BANK1: variants seen among roughly 807,000 people sequenced by gnomAD.
BANK1 encodes the protein B cell scaffold protein with ankyrin repeats 1.
BANK1 carries 95 observed loss-of-function variants against 94.5 expected under a neutral mutation model. The observed-to-expected ratio is 1.00, with a 90% CI of 0.85 to 1.19. The LOEUF is 1.19. Among genes scored for constraint, BANK1 ranks in the 50% most tolerant of loss-of-function variants. The pLI is 0.00. For synonymous variants in BANK1, 334 were observed against 308.4 expected (o/e 1.08, Z -0.87); for missense variants, 987 against 932.2 (o/e 1.06, Z -0.77).
chr4:101,925,605 G>T (rs1004865855), intron 7 of BANK1, among the ~76,000 whole-genome samples: 2 of 151,610 alleles, frequency 1.3e-5, no homozygotes, highest in African/African-American at 4.8e-5. Context: ...TTCTAAATAG[G>T]TAATTTGTTA....
intron 7 of BANK1, among the ~76,000 whole-genome samples, chr4:102,010,498 C>G (rs1366933144): frequency 6.7e-6 from 1 of 149,142 alleles, no homozygotes; most frequent in East Asian, 2.0e-4. Context: ...GTTCCAGCAA[C>G]TCTCCTGCCT....
intron 1 of BANK1, among the ~76,000 whole-genome samples, chr4:101,792,472 T>G (rs866616020): frequency 0.054 from 7,237 of 134,858 alleles, 362 homozygotes; most frequent in East Asian, 0.26. Context: ...TGTGTGTGTT[T>G]TTTTTTTTTT....
chr4:101,840,154 G>C (rs1236160233), intron 2 of BANK1, among the ~76,000 whole-genome samples: 4 of 148,714 alleles, frequency 2.7e-5, no homozygotes, highest in Non-Finnish European at 5.9e-5. Context: ...ATTTTTAGTA[G>C]AGACGGGGTT....
intron 5 of BANK1, among the ~76,000 whole-genome samples, chr4:101,889,098 A>G (rs1289584936): frequency 6.6e-6 from 1 of 152,166 alleles, no homozygotes; most frequent in African/African-American, 2.4e-5. Context: ...GTACATTCAT[A>G]TATAGTTGTA....
chr4:101,896,295 A>G (rs1722077254), intron 6 of BANK1, among the ~76,000 whole-genome samples: 1 of 152,016 alleles, frequency 6.6e-6, no homozygotes, highest in Admixed American at 6.6e-5. Context: ...TGAATATGAC[A>G]GACATGAAGC....
chr4:101,891,752 T>A (rs1037247874), intron 5 of BANK1, among the ~76,000 whole-genome samples: 8 of 152,106 alleles, frequency 5.3e-5, no homozygotes, highest in Admixed American at 1.3e-4. Flanking sequence ...TTTCCTCTGT[T>A]CTCTTCATGT....
At chr4:101,922,783 G>A (rs1391636979) in intron 7 of BANK1, among the ~76,000 whole-genome samples, 1 of 151,782 alleles carries the variant, frequency 6.6e-6, no homozygotes, top group Non-Finnish European at 1.5e-5. Context: ...ACTAGAATAA[G>A]TCACATAATT....
At position 102,043,876 on chromosome 4, in the gene BANK1, T is replaced by C. The variant is rs771873588; in HGVS notation, c.1938T>C (p.Asp646=). 1.2e-6 allele frequency: 2 copies of C among 1,603,714 alleles called. No homozygotes were observed. Residue 646 remains aspartate (D), a synonymous_variant, in exon 11 of 17, where the codon GAT becomes GAC. Coordinates refer to ENST00000322953, the MANE Select transcript of BANK1 (RefSeq NM_017935.5). Reference sequence around the variant, plus strand: ...AGACAGCCAGAAGACAATCTGATGATGACAAGTTCTGTGGTCTTCCTAAGA... The same window carrying C: ...AGACAGCCAGAAGACAATCTGATGACGACAAGTTCTGTGGTCTTCCTAAGA... ...QQKTARRQSD[D]DKFCGLPKKQ...
At chr4:101,995,914 T>C (rs1326928834) in intron 7 of BANK1, among the ~76,000 whole-genome samples, 1 of 152,198 alleles carries the variant, frequency 6.6e-6, no homozygotes, top group African/African-American at 2.4e-5. Context: ...ACTCTGATGA[T>C]AGTTTTTTTG....
intron 1 of BANK1, among the ~76,000 whole-genome samples, chr4:101,809,030 A>T (rs1319520620): frequency 6.6e-5 from 10 of 152,216 alleles, no homozygotes; most frequent in Non-Finnish European, 1.0e-4. Flanking sequence ...TCATTATATG[A>T]AAAAGACACA....
chr4:101,851,461 A>G (rs1225884560), intron 2 of BANK1, among the ~76,000 whole-genome samples: 2 of 152,222 alleles, frequency 1.3e-5, no homozygotes, highest in African/African-American at 4.8e-5. Flanking sequence ...AGAGATATAG[A>G]GGTGTCAAGT....
chr4:101,848,210 G>C (rs1406915333), intron 2 of BANK1, among the ~76,000 whole-genome samples: 2 of 152,206 alleles, frequency 1.3e-5, no homozygotes, highest in East Asian at 3.9e-4. Flanking sequence ...GTTTTGGGGG[G>C]GGTCTCCTGG....
At chr4:102,015,109 G>T (rs1194228240) in intron 7 of BANK1, among the ~76,000 whole-genome samples, 1 of 151,856 alleles carries the variant, frequency 6.6e-6, no homozygotes, top group African/African-American at 2.4e-5. Context: ...GCTTTTGTTT[G>T]ATTTTAGTGT....
chr4:101,931,612 A>G (rs748530033), intron 7 of BANK1, among the ~76,000 whole-genome samples: 7 of 151,540 alleles, frequency 4.6e-5, no homozygotes, highest in East Asian at 1.9e-4. Flanking sequence ...CTCTTTCTAT[A>G]TAACATATGT....
intron 7 of BANK1, among the ~76,000 whole-genome samples, chr4:101,938,133 A>G (rs1184448329): frequency 6.6e-6 from 1 of 151,816 alleles, no homozygotes; most frequent in Admixed American, 6.6e-5. Context: ...GGAATACCTA[A>G]TGTAGATGAC....
intron 5 of BANK1, among the ~76,000 whole-genome samples, chr4:101,882,079 G>GATT (rs1728697573): frequency 6.6e-6 from 1 of 152,056 alleles, no homozygotes; most frequent in Non-Finnish European, 1.5e-5. Context: ...AGTGTCATGG[G>GATT]ATTGTTTGTA....
chr4:101,862,410 C>T, intron 3 of BANK1, 116 bp from the exon 4 acceptor site: 1 of 714,984 alleles, frequency 1.4e-6, no homozygotes, highest in Non-Finnish European at 2.1e-6. Flanking sequence ...ATACAAACAC[C>T]ATAGAAGACT....
At chr4:101,997,585 G>T (rs1418341165) in intron 7 of BANK1, among the ~76,000 whole-genome samples, 2 of 151,988 alleles carry the variant, frequency 1.3e-5, no homozygotes, top group Non-Finnish European at 2.9e-5. Context: ...ATTAATTACT[G>T]CCTCAATTTC....
chr4:101,909,019 A>G (rs1211461210), intron 6 of BANK1, among the ~76,000 whole-genome samples: 4 of 152,218 alleles, frequency 2.6e-5, no homozygotes, highest in Non-Finnish European at 4.4e-5. Flanking sequence ...AGGATCTAGA[A>G]CTAGAAATAC....
Sources: allele counts gnomAD v4.1 joint callset (sites outside exome capture counted in the v4.1 genomes callset), GRCh38; gene constraint gnomAD v4.1.1; transcripts MANE v1.5; gene names NCBI Gene and HGNC (gene_info 2026-07-23, HGNC 2026-07-21).